ZC3H12B: variants seen among roughly 807,000 people sequenced by gnomAD.
The protein encoded by ZC3H12B is zinc finger CCCH-type containing 12B.
Under a neutral mutation model 43.9 loss-of-function variants are expected in ZC3H12B, and 7 were observed. That is an observed-to-expected ratio of 0.16 (90% CI 0.09 to 0.30). ZC3H12B has a LOEUF of 0.30. Among genes scored for constraint, ZC3H12B ranks in the 10% least tolerant of loss-of-function variants. The probability of loss-of-function intolerance (pLI) is 1.00; values close to 1 mark genes in which losing one functional copy is unlikely to be tolerated. For missense variants in ZC3H12B, 475 were observed against 670.2 expected (o/e 0.71, Z 3.22); for synonymous variants, 222 against 241.7 (o/e 0.92, Z 0.76).
At chrX:65,168,845 C>A in the ZC3H12B span, among the ~76,000 whole-genome samples, 3 of 111,726 alleles carry the variant, frequency 2.7e-5, no homozygotes, top group African/African-American at 9.8e-5. Flanking sequence ...TTATACTATT[C>A]TCTGATGGTA....
chrX:65,120,486 G>C, the ZC3H12B span, among the ~76,000 whole-genome samples: 1 of 111,395 alleles, frequency 9.0e-6, no homozygotes, highest in Non-Finnish European at 1.9e-5. Context: ...CTGATTTTTT[G>C]CATGTTGATT....
chrX:65,447,160 A>G (rs2067388801), intron 3 of ZC3H12B, among the ~76,000 whole-genome samples: 1 of 111,458 alleles, frequency 9.0e-6, no homozygotes, highest in African/African-American at 3.3e-5. Flanking sequence ...TATAATATGT[A>G]TATTAACCCA....
At chrX:65,287,989 C>CATATACATATATATATATAT in the ZC3H12B span, among the ~76,000 whole-genome samples, 3 of 90,440 alleles carry the variant, frequency 3.3e-5, no homozygotes, top group African/African-American at 1.7e-4. Flanking sequence ...ATTTTATATA[C>CATATACATATATATATATAT]ATATATATAT....
chrX:65,098,878 C>G, the ZC3H12B span, among the ~76,000 whole-genome samples: 4 of 110,374 alleles, frequency 3.6e-5, no homozygotes, highest in Non-Finnish European at 7.6e-5. Context: ...CCCAGCAAGA[C>G]AGAATTGTTC....
chrX:65,186,643 G>A, the ZC3H12B span: 8 of 109,993 alleles, frequency 7.3e-5, no homozygotes, highest in South Asian at 3.1e-3. Flanking sequence ...CACCCAAACA[G>A]TGTACACTGT....
chrX:65,498,434 C>T (rs1369371259), intron 2 of ZC3H12B, among the ~76,000 whole-genome samples: 3 of 111,745 alleles, frequency 2.7e-5, no homozygotes, highest in Non-Finnish European at 5.6e-5. Flanking sequence ...GAGCCTCAGT[C>T]TGAGAATAGA....
chrX:65,224,585 G>A, the ZC3H12B span, among the ~76,000 whole-genome samples: 4 of 112,602 alleles, frequency 3.6e-5, no homozygotes, highest in African/African-American at 1.3e-4. Context: ...GCCTCACTCG[G>A]GAAGCACAAG....
At chrX:65,357,106 C>T in the ZC3H12B span, 1 of 517,623 alleles carries the variant, frequency 1.9e-6, no homozygotes, top group South Asian at 2.4e-5. Context: ...GCTCCAAAGG[C>T]TTCCTGAGAG....
At chrX:65,252,448 C>T in the ZC3H12B span, among the ~76,000 whole-genome samples, 1 of 111,911 alleles carries the variant, frequency 8.9e-6, no homozygotes, top group African/African-American at 3.3e-5. Flanking sequence ...AGCATTTTAT[C>T]TGTATTAAAA....
At chrX:65,160,597 T>C in the ZC3H12B span, among the ~76,000 whole-genome samples, 7 of 111,760 alleles carry the variant, frequency 6.3e-5, no homozygotes, top group East Asian at 2.8e-4. Flanking sequence ...TCTGTGGGAT[T>C]GGTGGTGATA....
intron 3 of ZC3H12B, among the ~76,000 whole-genome samples, chrX:65,483,717 A>T (rs1569422706): frequency 8.9e-6 from 1 of 112,456 alleles, no homozygotes; most frequent in Non-Finnish European, 1.9e-5. Flanking sequence ...TCGAAGTTTT[A>T]TAACTTATTT....
the ZC3H12B span, among the ~76,000 whole-genome samples, chrX:65,277,542 CTA>C: frequency 0.011 from 1,258 of 111,478 alleles, 21 homozygotes; most frequent in African/African-American, 0.04. Flanking sequence ...TAAAATAAAA[CTA>C]GTTATCAATA....
At chrX:65,086,086 ATG>A in the ZC3H12B span, among the ~76,000 whole-genome samples, 1 of 106,107 alleles carries the variant, frequency 9.4e-6, no homozygotes, top group African/African-American at 3.5e-5. Context: ...CTTCAAAATC[ATG>A]TGTTACATTT....
the ZC3H12B span, among the ~76,000 whole-genome samples, chrX:65,220,185 G>A: frequency 9.0e-6 from 1 of 111,610 alleles, no homozygotes; most frequent in South Asian, 3.7e-4. Context: ...CAGCACTGCA[G>A]AACCTGCTAA....
At chrX:65,243,804 T>G in the ZC3H12B span, among the ~76,000 whole-genome samples, 1 of 99,852 alleles carries the variant, frequency 1.0e-5, no homozygotes, top group African/African-American at 3.4e-5. Flanking sequence ...TATAATGAAG[T>G]TTTTTTTTAT....
chrX:65,390,084 G>A (rs991374333), intron 2 of ZC3H12B, among the ~76,000 whole-genome samples: 1 of 111,929 alleles, frequency 8.9e-6, no homozygotes, highest in Admixed American at 9.5e-5. Flanking sequence ...CCATAAAAAA[G>A]GATGAGTTCA....
At chrX:65,470,573 C>T (rs765270605) in intron 3 of ZC3H12B, among the ~76,000 whole-genome samples, 1 of 110,827 alleles carries the variant, frequency 9.0e-6, no homozygotes, top group Non-Finnish European at 1.9e-5. Flanking sequence ...GTCTCCCTGC[C>T]GCCCTCACCC....
chrX:65,382,358 A>G (rs1433299182), intron 2 of ZC3H12B, among the ~76,000 whole-genome samples: 3 of 110,692 alleles, frequency 2.7e-5, no homozygotes, highest in African/African-American at 9.9e-5. Context: ...AAACCACATG[A>G]TTATCTCAAT....
At chrX:65,219,799 T>TAC in the ZC3H12B span, among the ~76,000 whole-genome samples, 2 of 60,506 alleles carry the variant, frequency 3.3e-5, no homozygotes, top group African/African-American at 1.4e-4. Context: ...GAAGCATACA[T>TAC]ACACACACAT....
Sources: allele counts gnomAD v4.1 joint callset (sites outside exome capture counted in the v4.1 genomes callset), GRCh38; gene constraint gnomAD v4.1.1; transcripts MANE v1.5; gene names NCBI Gene and HGNC (gene_info 2026-07-23, HGNC 2026-07-21).